Variants in MIPOL1 observed in about 807,000 individuals in gnomAD.
MIPOL1 encodes the protein mirror-image polydactyly gene 1 protein.
Under a neutral mutation model 60.9 loss-of-function variants are expected in MIPOL1, and 57 were observed. The ratio of observed to expected loss-of-function variants is 0.94; its 90% CI spans 0.76 to 1.17. MIPOL1 has a LOEUF of 1.17. MIPOL1 is among the 50% of genes most tolerant of loss of function. The pLI, the probability that MIPOL1 is intolerant of heterozygous loss-of-function variation, is 0.00. For synonymous variants in MIPOL1, 179 were observed against 168.8 expected (o/e 1.06, Z -0.47); for missense variants, 551 against 511.6 (o/e 1.08, Z -0.74).
chr14:37,249,571 T>A (rs1388566253), intron 3 of MIPOL1, among the ~76,000 whole-genome samples: 1 of 152,198 alleles, frequency 6.6e-6, no homozygotes, highest in Non-Finnish European at 1.5e-5. Context: ...ATAGCTGATG[T>A]AATTCTATAT....
chr14:37,307,530 T>C (rs2086888855), intron 7 of MIPOL1, among the ~76,000 whole-genome samples: 1 of 151,978 alleles, frequency 6.6e-6, no homozygotes, highest in Non-Finnish European at 1.5e-5. Context: ...ATCTAAAAAT[T>C]GTGGTCAGCC....
chr14:37,461,507 T>C (rs2094538345), intron 11 of MIPOL1, among the ~76,000 whole-genome samples: 1 of 152,174 alleles, frequency 6.6e-6, no homozygotes, highest in East Asian at 1.9e-4. Context: ...CCAAACTATA[T>C]CATTCTGCCC....
At chr14:37,401,765 AG>A (rs748839372) in intron 10 of MIPOL1, 6 of 152,160 alleles carry the variant, frequency 3.9e-5, no homozygotes, top group Non-Finnish European at 7.4e-5. Flanking sequence ...ACATTGTATA[AG>A]AATCAGTGGA....
intron 9 of MIPOL1, among the ~76,000 whole-genome samples, chr14:37,363,288 G>A (rs1424621657): frequency 6.6e-6 from 1 of 152,094 alleles, no homozygotes; most frequent in African/African-American, 2.4e-5. Context: ...CCTACAGTTG[G>A]GGTTTTGGTG....
At chr14:37,420,240 A>G (rs1384982505) in intron 10 of MIPOL1, among the ~76,000 whole-genome samples, 2 of 152,176 alleles carry the variant, frequency 1.3e-5, no homozygotes, top group Non-Finnish European at 2.9e-5. Context: ...ACAGATAACT[A>G]GTAGTCTCAG....
chr14:37,264,865 T>C (rs1004889942), intron 3 of MIPOL1, among the ~76,000 whole-genome samples: 6 of 152,188 alleles, frequency 3.9e-5, no homozygotes, highest in African/African-American at 1.4e-4. Context: ...GATGTTTGGC[T>C]CTCATTTCTT....
chr14:37,482,011 T>C (rs1179152263), intron 11 of MIPOL1, among the ~76,000 whole-genome samples: 1 of 152,000 alleles, frequency 6.6e-6, no homozygotes, highest in Non-Finnish European at 1.5e-5. Flanking sequence ...GGGGAAACTA[T>C]ATTATGTTGG....
intron 7 of MIPOL1, among the ~76,000 whole-genome samples, chr14:37,298,070 C>A (rs532565165): frequency 6.6e-6 from 1 of 152,224 alleles, no homozygotes; most frequent in South Asian, 2.1e-4. Context: ...GCTACAGTAA[C>A]CAAAACAGCA....
At chr14:37,330,482 A>C (rs1424476070) in intron 9 of MIPOL1, among the ~76,000 whole-genome samples, 1 of 152,122 alleles carries the variant, frequency 6.6e-6, no homozygotes, top group Non-Finnish European at 1.5e-5. Context: ...AAGTATAGTT[A>C]TGATTCCATA....
In MIPOL1 at chr14:37,355,552, C is replaced by T. The variant is rs1301386565; in HGVS notation, c.829-13965C>T. Among the ~76,000 whole-genome samples the T allele has an allele frequency of 9.3e-5, 14 of 149,848 alleles. No individual in the cohort carries two copies. The East Asian group carries it at 2.0e-3, about 21-fold the overall frequency. On this transcript the variant is annotated intron_variant, in intron 9 of 12. Transcript: ENST00000684589. The stretch of plus-strand genomic sequence containing the variant: ...GTCACTTTCAGGTACACCAATGAGA[C>T]GTAGATTTGGTCTTTTCACATAGTC...
chr14:37,379,304 A>G (rs1457061847), intron 10 of MIPOL1, among the ~76,000 whole-genome samples: 1 of 152,074 alleles, frequency 6.6e-6, no homozygotes, highest in African/African-American at 2.4e-5. Context: ...TACAACATAC[A>G]AAAGTAATTC....
At chr14:37,504,780 A>G (rs767268462) in intron 12 of MIPOL1, 1 of 152,216 alleles carries the variant, frequency 6.6e-6, no homozygotes, top group Non-Finnish European at 1.5e-5. Flanking sequence ...GAAGATGGAG[A>G]CGCAAAAAAC....
chr14:37,477,312 T>G (rs1340263305), intron 11 of MIPOL1, among the ~76,000 whole-genome samples: 3 of 152,090 alleles, frequency 2.0e-5, no homozygotes, highest in Non-Finnish European at 2.9e-5. Flanking sequence ...CATCATTTCT[T>G]TCTTAAATAT....
At chr14:37,542,558 A>G (rs1042376944) in intron 12 of MIPOL1, among the ~76,000 whole-genome samples, 6 of 152,044 alleles carry the variant, frequency 3.9e-5, no homozygotes, top group Non-Finnish European at 7.4e-5. Context: ...CTCTGCCTGG[A>G]ATGCACAACC....
chr14:37,350,307 G>C (rs926547976), intron 9 of MIPOL1, among the ~76,000 whole-genome samples: 1 of 152,128 alleles, frequency 6.6e-6, no homozygotes, highest in East Asian at 1.9e-4. Flanking sequence ...TGCACTCCTG[G>C]CCTCAAGTGG....
intron 9 of MIPOL1, among the ~76,000 whole-genome samples, chr14:37,336,737 T>A (rs1705472073): frequency 6.6e-6 from 1 of 152,018 alleles, no homozygotes; most frequent in African/African-American, 2.4e-5. Context: ...TCATATGCCT[T>A]GCAATTTTAT....
intron 1 of MIPOL1, among the ~76,000 whole-genome samples, chr14:37,226,570 A>G (rs1193540129): frequency 6.6e-6 from 1 of 152,178 alleles, no homozygotes; most frequent in Non-Finnish European, 1.5e-5. Context: ...ATTTTCTCCC[A>G]CTGGGTCCCT....
intron 9 of MIPOL1, among the ~76,000 whole-genome samples, chr14:37,322,517 G>T (rs919709937): frequency 2.0e-5 from 3 of 151,828 alleles, no homozygotes; most frequent in African/African-American, 7.2e-5. Context: ...TTTAAAACTT[G>T]TACTTGGCTC....
chr14:37,235,435 T>C (rs1270880401), intron 1 of MIPOL1, among the ~76,000 whole-genome samples: 1 of 152,080 alleles, frequency 6.6e-6, no homozygotes, highest in East Asian at 1.9e-4. Context: ...TCAAGAACCA[T>C]AGGTTTGAGC....
Sources: allele counts gnomAD v4.1 joint callset (sites outside exome capture counted in the v4.1 genomes callset), GRCh38; gene constraint gnomAD v4.1.1; transcripts MANE v1.5; gene names NCBI Gene and HGNC (gene_info 2026-07-23, HGNC 2026-07-21).